MIS18A: variants seen among roughly 807,000 people sequenced by gnomAD.
MIS18A encodes the protein MIS18 kinetochore protein A, also known as protein Mis18-alpha.
A neutral mutation model predicts 25.0 loss-of-function variants in MIS18A; 14 were observed. The observed-to-expected ratio is 0.56, with a 90% CI of 0.37 to 0.88. The LOEUF (loss-of-function observed/expected upper bound fraction) is 0.88, where lower values mean the gene tolerates loss of function less well. MIS18A is among the 40% of genes least tolerant of loss of function. The pLI is 0.00. For missense variants in MIS18A, 292 were observed against 290.8 expected (o/e 1.00, Z -0.03); for synonymous variants, 134 against 118.6 (o/e 1.13, Z -0.84).
the MIS18A span, among the ~76,000 whole-genome samples, chr21:32,251,168 T>C: frequency 1.3e-5 from 2 of 152,172 alleles, no homozygotes; most frequent in Non-Finnish European, 2.9e-5. Flanking sequence ...TCCTCTATAA[T>C]TTACCCAGTC....
At chr21:32,270,715 G>A (rs908158783) in intron 2 of MIS18A, 186 bp from the exon 3 acceptor site, 5 of 494,488 alleles carry the variant, frequency 1.0e-5, no homozygotes, top group African/African-American at 2.0e-5. Context: ...AGACAGCCAC[G>A]ATGCCTTAAG....
At chr21:32,175,394 T>C in the MIS18A span, among the ~76,000 whole-genome samples, 1 of 152,298 alleles carries the variant, frequency 6.6e-6, no homozygotes, top group East Asian at 1.9e-4. Flanking sequence ...CACACAAATT[T>C]ATAAAAATAT....
intron 1 of MIS18A, among the ~76,000 whole-genome samples, chr21:32,276,377 C>T (rs921087973): frequency 2.2e-5 from 3 of 135,812 alleles, no homozygotes; most frequent in South Asian, 2.4e-4. Flanking sequence ...AGGAGAATAG[C>T]GTGAACCCGG....
chr21:32,170,279 G>A, the MIS18A span, among the ~76,000 whole-genome samples: 1 of 152,118 alleles, frequency 6.6e-6, no homozygotes, highest in African/African-American at 2.4e-5. Flanking sequence ...ATCACTGATG[G>A]ATTAGATAAA....
chr21:32,212,537 A>G, the MIS18A span, among the ~76,000 whole-genome samples: 2 of 152,182 alleles, frequency 1.3e-5, no homozygotes, highest in Non-Finnish European at 2.9e-5. Flanking sequence ...GTGTGCCGTG[A>G]CTGAGGACAC....
At chr21:32,158,138 A>T in the MIS18A span, among the ~76,000 whole-genome samples, 13 of 152,222 alleles carry the variant, frequency 8.5e-5, no homozygotes, top group Non-Finnish European at 1.8e-4. Context: ...GAGATATAAC[A>T]GGCATGCAGA....
the MIS18A span, among the ~76,000 whole-genome samples, chr21:32,229,454 A>G: frequency 6.6e-6 from 1 of 151,972 alleles, no homozygotes; most frequent in South Asian, 2.1e-4. Flanking sequence ...CGCATAACCG[A>G]AAGAAGGCTT....
At chr21:32,270,381 G>C in intron 3 of MIS18A, 26 bp downstream of exon 3, 1 of 1,612,820 alleles carries the variant, frequency 6.2e-7, no homozygotes, top group East Asian at 2.2e-5. Flanking sequence ...CCAGTTGTGA[G>C]GTAAACATTT....
the MIS18A span, among the ~76,000 whole-genome samples, chr21:32,234,756 C>G: frequency 3.3e-5 from 5 of 152,142 alleles, no homozygotes; most frequent in African/African-American, 1.2e-4. Context: ...TGGAAGCTTC[C>G]TGAGGCCTCA....
At chr21:32,254,052 T>G in the MIS18A span, among the ~76,000 whole-genome samples, 1 of 150,406 alleles carries the variant, frequency 6.6e-6, no homozygotes, top group Admixed American at 6.6e-5. Flanking sequence ...CTGTCCAATA[T>G]GGTGAAACCC....
the MIS18A span, among the ~76,000 whole-genome samples, chr21:32,217,344 G>T: frequency 6.6e-6 from 1 of 151,732 alleles, no homozygotes; most frequent in African/African-American, 2.4e-5. Flanking sequence ...TACAAAAACT[G>T]AAATGAAAAA....
chr21:32,208,313 G>A, the MIS18A span, among the ~76,000 whole-genome samples: 4 of 152,178 alleles, frequency 2.6e-5, no homozygotes, highest in African/African-American at 9.6e-5. Flanking sequence ...CATGGGGGTG[G>A]ATTTCTAATG....
At chr21:32,171,878 C>G in the MIS18A span, among the ~76,000 whole-genome samples, 1 of 151,994 alleles carries the variant, frequency 6.6e-6, no homozygotes, top group Non-Finnish European at 1.5e-5. Flanking sequence ...ATCCCATGTT[C>G]ATGGATCAGA....
At chr21:32,224,895 T>C in the MIS18A span, among the ~76,000 whole-genome samples, 1 of 139,652 alleles carries the variant, frequency 7.2e-6, no homozygotes, top group Non-Finnish European at 1.5e-5. Flanking sequence ...AAGGCTACAG[T>C]AACCAAAACA....
chr21:32,155,952 G>GAAA, the MIS18A span, among the ~76,000 whole-genome samples: 1 of 149,854 alleles, frequency 6.7e-6, no homozygotes. Context: ...CAATTGTTAG[G>GAAA]AAAAAAAAAA....
the MIS18A span, among the ~76,000 whole-genome samples, chr21:32,239,825 C>A: frequency 5.8e-4 from 89 of 152,258 alleles, no homozygotes; most frequent in East Asian, 0.014. Flanking sequence ...AAAAGTGCTA[C>A]GGGATTGGCA....
the MIS18A span, among the ~76,000 whole-genome samples, chr21:32,216,524 T>C: frequency 6.6e-6 from 1 of 152,222 alleles, no homozygotes; most frequent in Admixed American, 6.5e-5. Flanking sequence ...TAGATAGCAG[T>C]TGGGGCAAAT....
chr21:32,199,796 ACT>A, the MIS18A span, among the ~76,000 whole-genome samples: 1 of 152,118 alleles, frequency 6.6e-6, no homozygotes, highest in African/African-American at 2.4e-5. Flanking sequence ...ACAGAGCGAG[ACT>A]CTGTCTCAAA....
At chr21:32,273,652 G>C (rs1235141276) in intron 2 of MIS18A, among the ~76,000 whole-genome samples, 1 of 152,114 alleles carries the variant, frequency 6.6e-6, no homozygotes, top group Non-Finnish European at 1.5e-5. Context: ...AGTTGAAATG[G>C]TAGCTCCTAA....
Sources: allele counts gnomAD v4.1 joint callset (sites outside exome capture counted in the v4.1 genomes callset), GRCh38; gene constraint gnomAD v4.1.1; transcripts MANE v1.5; gene names NCBI Gene and HGNC (gene_info 2026-07-23, HGNC 2026-07-21).